RANBP2: variants seen among roughly 807,000 people sequenced by gnomAD.
RANBP2 encodes E3 SUMO-protein ligase RanBP2.
RANBP2 carries 57 observed loss-of-function variants against 303.6 expected under a neutral mutation model. The ratio of observed to expected loss-of-function variants is 0.19; its 90% CI spans 0.15 to 0.23. The LOEUF (loss-of-function observed/expected upper bound fraction) is 0.23, where lower values mean the gene tolerates loss of function less well. Among genes scored for constraint, RANBP2 ranks in the 10% least tolerant of loss-of-function variants. The pLI, the probability that RANBP2 is intolerant of heterozygous loss-of-function variation, is 1.00. For synonymous variants in RANBP2, 1,167 were observed against 1,301.5 expected (o/e 0.90, Z 2.23); for missense variants, 3,138 against 3,780.8 (o/e 0.83, Z 4.46).
chr2:109,593,057 TTCA>T, the RANBP2 span: 2 of 1,592,638 alleles, frequency 1.3e-6, no homozygotes, highest in Non-Finnish European at 1.7e-6. Context: ...TCACTATCTG[TTCA>T]TCATCTGATC....
the RANBP2 span, among the ~76,000 whole-genome samples, chr2:109,515,615 G>A: frequency 1.3e-5 from 2 of 152,142 alleles, no homozygotes; most frequent in Admixed American, 1.3e-4. Context: ...CTACAGAGAC[G>A]CTTCTTCCCA....
chr2:109,455,689 C>G, the RANBP2 span, among the ~76,000 whole-genome samples: 1 of 152,202 alleles, frequency 6.6e-6, no homozygotes, highest in Non-Finnish European at 1.5e-5. Flanking sequence ...TGTATTTCCT[C>G]TCGAGTGGAG....
the RANBP2 span, among the ~76,000 whole-genome samples, chr2:109,149,171 A>G: frequency 3.3e-5 from 5 of 152,278 alleles, no homozygotes; most frequent in African/African-American, 1.2e-4. Flanking sequence ...TGGAGTGGGC[A>G]GGACTCAGGG....
the RANBP2 span, among the ~76,000 whole-genome samples, chr2:109,553,635 C>G: frequency 6.6e-6 from 1 of 151,534 alleles, no homozygotes; most frequent in African/African-American, 2.4e-5. Context: ...GGCAGATCAC[C>G]TGAGGTCAGG....
the RANBP2 span, among the ~76,000 whole-genome samples, chr2:109,693,297 G>A: frequency 5.3e-5 from 8 of 152,132 alleles, no homozygotes; most frequent in African/African-American, 1.9e-4. Context: ...TCACCCTCCC[G>A]AGTAAGCTGG....
downstream of RANBP2, chr2:108,788,740 A>C (rs1363316887): frequency 7.0e-7 from 1 of 1,438,654 alleles, no homozygotes; most frequent in Non-Finnish European, 9.2e-7. Context: ...AAAGAAAAAA[A>C]AATTTGAGAG....
At chr2:109,196,019 C>T in the RANBP2 span, among the ~76,000 whole-genome samples, 1 of 152,232 alleles carries the variant, frequency 6.6e-6, no homozygotes, top group African/African-American at 2.4e-5. Context: ...AATCTGTACG[C>T]ACACCTGTTT....
intron 5 of RANBP2, 78 bp from the exon 6 acceptor site, chr2:108,736,023 AAAG>A: frequency 6.2e-7 from 1 of 1,610,564 alleles, no homozygotes; most frequent in Admixed American, 1.7e-5. Context: ...TGGAGTGAGA[AAAG>A]GAATTTGTAG....
chr2:109,019,030 C>A, the RANBP2 span, among the ~76,000 whole-genome samples: 1 of 152,280 alleles, frequency 6.6e-6, no homozygotes, highest in East Asian at 1.9e-4. Flanking sequence ...CACAGAGGCG[C>A]CTGTTCTAGA....
the RANBP2 span, among the ~76,000 whole-genome samples, chr2:109,628,923 G>A: frequency 1.3e-5 from 2 of 151,946 alleles, no homozygotes; most frequent in Non-Finnish European, 2.9e-5. Flanking sequence ...GTCTAACTAG[G>A]CTGGGTGCAG....
chr2:109,693,463 A>G, the RANBP2 span, among the ~76,000 whole-genome samples: 4 of 151,778 alleles, frequency 2.6e-5, no homozygotes, highest in African/African-American at 9.7e-5. Context: ...CCGGCCCACA[A>G]CTCCTGGTGG....
At chr2:109,474,478 C>T in the RANBP2 span, among the ~76,000 whole-genome samples, 1 of 152,304 alleles carries the variant, frequency 6.6e-6, no homozygotes, top group African/African-American at 2.4e-5. Context: ...CAGAGCAGGC[C>T]ATGATCCCTG....
chr2:109,372,634 C>T, the RANBP2 span, among the ~76,000 whole-genome samples: 1 of 152,236 alleles, frequency 6.6e-6, no homozygotes, highest in Admixed American at 6.5e-5. Flanking sequence ...GGTCCCACAG[C>T]CGAGGAGTGG....
the RANBP2 span, among the ~76,000 whole-genome samples, chr2:109,146,497 A>G: frequency 3.9e-5 from 6 of 152,202 alleles, no homozygotes; most frequent in East Asian, 1.2e-3. Flanking sequence ...TGAATGTTCA[A>G]TGGCAGGAGG....
At chr2:109,367,934 T>C in the RANBP2 span, among the ~76,000 whole-genome samples, 2 of 152,230 alleles carry the variant, frequency 1.3e-5, no homozygotes, top group Non-Finnish European at 2.9e-5. Context: ...AAGTGCCTGT[T>C]CCATGCATAC....
At chr2:109,212,067 G>A in the RANBP2 span, among the ~76,000 whole-genome samples, 1 of 152,252 alleles carries the variant, frequency 6.6e-6, no homozygotes, top group Non-Finnish European at 1.5e-5. Flanking sequence ...CAGGGAGATA[G>A]CGAAACTTGG....
At chr2:109,473,288 C>A in the RANBP2 span, among the ~76,000 whole-genome samples, 1 of 152,210 alleles carries the variant, frequency 6.6e-6, no homozygotes, top group Non-Finnish European at 1.5e-5. Flanking sequence ...TTGGGCCCTG[C>A]AGAGCCAGAG....
the RANBP2 span, among the ~76,000 whole-genome samples, chr2:109,345,643 A>G: frequency 2.1e-4 from 32 of 152,362 alleles, no homozygotes; most frequent in African/African-American, 7.2e-4. Flanking sequence ...CTTGATGGAT[A>G]TCTAAGTGTC....
chr2:109,319,785 A>C, the RANBP2 span, among the ~76,000 whole-genome samples: 1 of 152,228 alleles, frequency 6.6e-6, no homozygotes, highest in African/African-American at 2.4e-5. Context: ...TTCACTGCCC[A>C]GTCCAATCTG....
Sources: gnomAD v4.1 joint callset for allele counts (sites outside exome capture counted in the v4.1 genomes callset) on GRCh38, gnomAD v4.1.1 for gene constraint, MANE v1.5 for transcripts, NCBI Gene and HGNC (gene_info 2026-07-23, HGNC 2026-07-21) for gene names.